Variants in RBFOX3 observed in about 807,000 individuals in gnomAD.
RBFOX3 encodes RNA binding fox-1 homolog 3, also known as RNA binding protein fox-1 homolog 3.
Under a neutral mutation model 48.7 loss-of-function variants are expected in RBFOX3, and 17 were observed. That is an observed-to-expected ratio of 0.35 (90% CI 0.24 to 0.52). RBFOX3 has a LOEUF of 0.52. Among genes scored for constraint, RBFOX3 ranks in the 20% least tolerant of loss-of-function variants. The probability of loss-of-function intolerance (pLI) is 0.94; values close to 1 mark genes in which losing one functional copy is unlikely to be tolerated. For synonymous variants in RBFOX3, 212 were observed against 209.5 expected (o/e 1.01, Z -0.10); for missense variants, 382 against 497.5 (o/e 0.77, Z 2.21).
intron 4 of RBFOX3, among the ~76,000 whole-genome samples, chr17:79,156,035 G>T (rs78140452): frequency 6.6e-6 from 1 of 152,310 alleles, no homozygotes; most frequent in Non-Finnish European, 1.5e-5. Flanking sequence ...CAGCGGCCTC[G>T]TCCCTCGGCC....
chr17:79,493,888 C>T (rs1248208782), intron 1 of RBFOX3, among the ~76,000 whole-genome samples: 1 of 152,132 alleles, frequency 6.6e-6, no homozygotes, highest in African/African-American at 2.4e-5. Context: ...GGCTCCTTGG[C>T]TCTGGAGGAA....
At chr17:79,356,348 G>GTTTTTTTTTTTTTTTTTTTTTTTT (rs58040659) in intron 2 of RBFOX3, among the ~76,000 whole-genome samples, 2 of 47,330 alleles carry the variant, frequency 4.2e-5, no homozygotes, top group Non-Finnish European at 8.2e-5. Context: ...AAACAGGGAA[G>GTTTTTTTTTTTTTTTTTTTTTTTT]TTTTTTTTTT....
chr17:79,607,816 C>T (rs1328578664), intron 1 of RBFOX3, among the ~76,000 whole-genome samples: 1 of 152,174 alleles, frequency 6.6e-6, no homozygotes, highest in Non-Finnish European at 1.5e-5. Context: ...TTTCTCTGGC[C>T]ACTACAGTGT....
chr17:79,504,294 T>A (rs1179895046), intron 1 of RBFOX3, among the ~76,000 whole-genome samples: 1 of 152,194 alleles, frequency 6.6e-6, no homozygotes, highest in Non-Finnish European at 1.5e-5. Flanking sequence ...CCTCGCCGAG[T>A]CAGAGATCGG....
At chr17:79,454,450 C>A (rs1442939400) in intron 2 of RBFOX3, among the ~76,000 whole-genome samples, 2 of 152,162 alleles carry the variant, frequency 1.3e-5, no homozygotes, top group East Asian at 3.9e-4. Flanking sequence ...ACCAACCTCA[C>A]CTCTCCTGGG....
intron 1 of RBFOX3, among the ~76,000 whole-genome samples, chr17:79,512,695 C>T (rs1158844120): frequency 1.5e-5 from 2 of 133,828 alleles, no homozygotes; most frequent in African/African-American, 5.7e-5. Context: ...CCATCGGGTA[C>T]AGCCCCATGG....
chr17:79,421,865 G>A lies in RBFOX3; in HGVS notation c.-175+60589C>T, dbSNP rs1392880578. Among the ~76,000 whole-genome samples the A allele has an allele frequency of 6.6e-6, 1 of 152,122 alleles. No homozygotes were observed. Among genetic ancestry groups the A allele is most frequent in the African/African-American group, 2.4e-5 (1 of 41,418 alleles). On this transcript the variant is annotated intron_variant, in intron 2 of 14. Coordinates refer to ENST00000693108, the MANE Select transcript of RBFOX3 (RefSeq NM_001350451.2). The surrounding 1 kb of genome is among the most constrained non-coding windows in gnomAD (Gnocchi z 4.5). ...AGGCCCCGTGAGGGTGGCCCACGAG[G>A]CTCATGGGTTCCAGGAACCCACGCC... is the stretch of plus-strand genomic sequence containing the variant.
chr17:79,279,548 G>A (rs1203178249), intron 3 of RBFOX3, among the ~76,000 whole-genome samples: 1 of 152,170 alleles, frequency 6.6e-6, no homozygotes, highest in African/African-American at 2.4e-5. Flanking sequence ...ATAGAGCGAA[G>A]GCATGACCCA....
At chr17:79,599,254 A>G (rs1159612459) in intron 1 of RBFOX3, 1 of 152,270 alleles carries the variant, frequency 6.6e-6, no homozygotes, top group Non-Finnish European at 1.5e-5. Context: ...AGACCCGTGC[A>G]ACTCCACCCC....
At chr17:79,544,088 T>C (rs1555791141) in intron 1 of RBFOX3, among the ~76,000 whole-genome samples, 1 of 152,196 alleles carries the variant, frequency 6.6e-6, no homozygotes, top group African/African-American at 2.4e-5. Context: ...GGCCCACAGA[T>C]AGTCCTGCTG....
In RBFOX3 at chr17:79,495,245, G is replaced by A. The variant is rs1241031465; in HGVS notation, c.-319-12647C>T. On this transcript the variant is annotated intron_variant, in intron 1 of 14. Transcript: ENST00000693108. Reference sequence around the variant, plus strand: ...TCCAGCTTGGAAGTGAGGCCTTGGAGAAGCCTCCTGAAGGGGGGAAGGGAG... The same window carrying A: ...TCCAGCTTGGAAGTGAGGCCTTGGAAAAGCCTCCTGAAGGGGGGAAGGGAG... Among the ~76,000 whole-genome samples the A allele has an allele frequency of 2.2e-5, 3 of 137,002 alleles. No homozygotes were observed. The East Asian group carries it at 7.0e-4, about 32-fold the overall frequency. 89.9% of individuals were successfully genotyped at this position (137,002 alleles called of 152,430 possible). A position where few individuals can be genotyped will look rare whatever the true frequency, so the allele number is the denominator to read the frequency against.
rs2078507298 is a variant in RBFOX3, at chr17:79,479,769, C to T, written c.-175+2685G>A. ...AGAAAGGTGAGGCTGGGCCCCGCAA[C>T]CTCCTTCTTGGAGGCAGCAGGAAGT... On this transcript the variant is annotated intron_variant, in intron 2 of 14. Transcript: ENST00000693108. This position sits in a 1 kb window ranked among gnomAD's most constrained non-coding sequence, Gnocchi z 5.1. Among the ~76,000 whole-genome samples the T allele has an allele frequency of 1.3e-5, 2 of 152,198 alleles. No homozygotes were observed. Among genetic ancestry groups the T allele is most frequent in the Non-Finnish European group, 2.9e-5 (2 of 68,034 alleles).
rs1195859530 is a variant in RBFOX3 at position 79,583,721 on chromosome 17, C to G, written c.-320+27105G>C. Among the ~76,000 whole-genome samples the G allele has an allele frequency of 2.6e-5, 4 of 152,282 alleles. No homozygotes were observed. The South Asian group carries it at 8.3e-4, about 32-fold the overall frequency. On this transcript the variant is annotated intron_variant, in intron 1 of 14. Transcript: ENST00000693108. ...GTGGCTCTGGTAGCATTTCATGAAG[C>G]ACTATCATCATGTTTGCATTTTTAA...
chr17:79,156,301 T>C (rs2045782748), intron 4 of RBFOX3, among the ~76,000 whole-genome samples: 1 of 152,160 alleles, frequency 6.6e-6, no homozygotes, highest in Non-Finnish European at 1.5e-5. Context: ...CAGTCCTCCA[T>C]TCTTCATCCA....
intron 2 of RBFOX3, among the ~76,000 whole-genome samples, chr17:79,406,988 C>G (rs1476760704): frequency 6.6e-6 from 1 of 152,148 alleles, no homozygotes; most frequent in Non-Finnish European, 1.5e-5. Flanking sequence ...CGGTGCTTAC[C>G]AACGTCCGTG....
In RBFOX3 at chr17:79,567,175, TC is replaced by T. The variant is rs1599174484; in HGVS notation, c.-320+43650del. On this transcript the variant is annotated intron_variant, in intron 1 of 14. Coordinates refer to ENST00000693108, the MANE Select transcript of RBFOX3 (RefSeq NM_001350451.2). The stretch of plus-strand genomic sequence containing the variant: ...ACATGTGCTATTTTTTTTCTTTCTT[TC>T]TTTCTTTTTTTTTTTTTTTTTTTTT... 3.2e-3 allele frequency among the ~76,000 whole-genome samples: 462 copies of T among 143,140 alleles called. 2 individuals carry two copies. Among genetic ancestry groups the T allele is most frequent in the East Asian group, 8.9e-3 (43 of 4,828 alleles). The allele number at this position is 143,140 out of a possible 152,430, so 93.9% of individuals were successfully genotyped here.
At chr17:79,505,279 G>A (rs1484613933) in intron 1 of RBFOX3, among the ~76,000 whole-genome samples, 9 of 152,106 alleles carry the variant, frequency 5.9e-5, no homozygotes, top group Non-Finnish European at 8.8e-5. Flanking sequence ...TTCAGTGTAC[G>A]CAGCCCCATC....
At chr17:79,420,175 A>ACACACACACACACACAC (rs1555721370) in intron 2 of RBFOX3, among the ~76,000 whole-genome samples, 6 of 71,818 alleles carry the variant, frequency 8.4e-5, no homozygotes, top group Admixed American at 3.1e-4. Flanking sequence ...ACACACACAC[A>ACACACACACACACACAC]AAAGATGGTT....
chr17:79,154,546 C>T (rs111505564), intron 4 of RBFOX3, among the ~76,000 whole-genome samples: 4,058 of 152,316 alleles, frequency 0.027, 86 homozygotes, highest in Non-Finnish European at 0.045. Flanking sequence ...GGGCTCAGAA[C>T]CTGACTGGAG....
Sources: gnomAD v4.1 joint callset for allele counts (sites outside exome capture counted in the v4.1 genomes callset) on GRCh38, gnomAD v4.1.1 for gene constraint, Gnocchi (gnomAD v3.1) non-coding constraint, MANE v1.5 for transcripts, NCBI Gene and HGNC (gene_info 2026-07-23, HGNC 2026-07-21) for gene names.